PLAGL1: variants seen among roughly 807,000 people sequenced by gnomAD.
PLAGL1 encodes zinc finger protein PLAGL1.
Under a neutral mutation model 4.6 loss-of-function variants are expected in PLAGL1, and 1 was observed. The observed-to-expected ratio is 0.22, with a 90% CI of 0.08 to 1.03. The LOEUF is 1.03. PLAGL1 is among the 50% of genes least tolerant of loss of function. PLAGL1 has a pLI of 0.58. For synonymous variants in PLAGL1, 240 were observed against 237.8 expected, an observed-to-expected ratio of 1.01 and a Z score of -0.08; for missense variants, 464 against 570.4, an observed-to-expected ratio of 0.81 and a Z score of 1.90.
chr6:144,028,183 A>G (rs1796515361), intron 1 of PLAGL1, among the ~76,000 whole-genome samples: 1 of 152,228 alleles, frequency 6.6e-6, no homozygotes, highest in African/African-American at 2.4e-5. Flanking sequence ...TTATTCCTTT[A>G]GAATACTCTG....
intron 7 of PLAGL1, among the ~76,000 whole-genome samples, chr6:143,944,644 C>T (rs1233848318): frequency 2.0e-5 from 3 of 151,990 alleles, no homozygotes; most frequent in Admixed American, 2.0e-4. Context: ...AATAAATGCA[C>T]AGGTTGGAGA....
rs551573313 is a variant in PLAGL1, at chr6:144,022,804, C to T, written c.-151+41664G>A. Reference sequence around the variant, plus strand: ...AAACCTCTTTCCTTTATAAATTATGCAGTCTCAGGTATGTCTTTATTGCAG... The same window carrying T: ...AAACCTCTTTCCTTTATAAATTATGTAGTCTCAGGTATGTCTTTATTGCAG... On this transcript the variant is annotated intron_variant, in intron 1 of 3. Coordinates refer to the PLAGL1 transcript ENST00000437412. This position sits in a 1 kb window ranked among gnomAD's most constrained non-coding sequence, Gnocchi z 4.2. Among the ~76,000 whole-genome samples the T allele has an allele frequency of 6.6e-6, 1 of 152,318 alleles. No individual in the cohort carries two copies. Among genetic ancestry groups the T allele is most frequent in the South Asian group, 2.1e-4 (1 of 4,834 alleles).
intron 1 of PLAGL1, among the ~76,000 whole-genome samples, chr6:144,042,332 T>A (rs1468805022): frequency 1.3e-5 from 2 of 152,174 alleles, no homozygotes; most frequent in South Asian, 4.1e-4. Context: ...CTTTAATCCA[T>A]CTTGAATTAA....
chr6:144,051,392 T>C (rs1179183184), intron 1 of PLAGL1, among the ~76,000 whole-genome samples: 2 of 152,218 alleles, frequency 1.3e-5, no homozygotes, highest in African/African-American at 4.8e-5. Flanking sequence ...TGAATCCTTT[T>C]GGTAAACAAC....
At chr6:144,052,584 T>C (rs959440054) in intron 1 of PLAGL1, among the ~76,000 whole-genome samples, 2 of 152,222 alleles carry the variant, frequency 1.3e-5, no homozygotes, top group Non-Finnish European at 2.9e-5. Context: ...GATGAATATA[T>C]ATCTTGTTCA....
intron 1 of PLAGL1, among the ~76,000 whole-genome samples, chr6:144,018,464 C>T (rs1795723347): frequency 6.6e-6 from 1 of 152,124 alleles, no homozygotes; most frequent in Admixed American, 6.5e-5. Context: ...CCAGTGTACA[C>T]TATGGTGACT....
Position 143,954,365 on chromosome 6 carries a change from T to A in PLAGL1, c.-324-5905A>T, listed in dbSNP as rs1243922068. On this transcript the variant is annotated intron_variant, in intron 6 of 7. Transcript: ENST00000674357. This position sits in a 1 kb window ranked among gnomAD's most constrained non-coding sequence, Gnocchi z 5.1. ...AATATCCTAGAGAGAACAGAGGTCC[T>A]TAAAAGAAGAGCAGGATATTATTTT... Among the ~76,000 whole-genome samples, 2 of 152,146 alleles carry A rather than the reference T, an allele frequency of 1.3e-5. No homozygotes were observed. The highest frequency in any genetic ancestry group is 2.9e-5 in the Non-Finnish European group (2 of 68,038).
chr6:144,012,237 C>T (rs776789512), upstream of PLAGL1, among the ~76,000 whole-genome samples: 4 of 152,008 alleles, frequency 2.6e-5, no homozygotes, highest in Non-Finnish European at 4.4e-5. The surrounding 1 kb of genome is among the most constrained non-coding windows in gnomAD (Gnocchi z 4.8). Flanking sequence ...GTTTTTGAGA[C>T]AGAGTCTCGC....
intron 1 of PLAGL1, among the ~76,000 whole-genome samples, chr6:144,028,909 T>C (rs1583780853): frequency 6.6e-6 from 1 of 152,172 alleles, no homozygotes; most frequent in African/African-American, 2.4e-5. Context: ...ACTTCCAAAT[T>C]ACAGTAATTA....
rs1798707049 is a variant in PLAGL1 at position 144,053,209 on chromosome 6, A to C, written c.-151+11259T>G. On this transcript the variant is annotated intron_variant, in intron 1 of 3. Coordinates refer to the PLAGL1 transcript ENST00000437412. This position sits in a 1 kb window ranked among gnomAD's most constrained non-coding sequence, Gnocchi z 4.0. ...GAGTGCAGTGGCGCAATTTTGGCTT[A>C]CTGCAACCTCTGCCTCCCGGGTTCA... is the stretch of plus-strand genomic sequence containing the variant. Among the ~76,000 whole-genome samples the C allele has an allele frequency of 6.6e-6, 1 of 152,152 alleles. No homozygotes were observed. The highest frequency in any genetic ancestry group is 1.5e-5 in the Non-Finnish European group (1 of 68,042).
In PLAGL1 at chr6:143,980,090, T is replaced by C. The variant is rs1583389929; in HGVS notation, c.-544+5045A>G. Among the ~76,000 whole-genome samples, 3 of 152,116 alleles carry C rather than the reference T, an allele frequency of 2.0e-5. No homozygotes were observed. In the South Asian group the frequency reaches 6.2e-4, roughly 31 times the overall value. On this transcript the variant is annotated intron_variant, in intron 2 of 7. Coordinates refer to ENST00000674357, the MANE Select transcript of PLAGL1 (RefSeq NM_001317162.2). ...CCTTCTGACAGGAAGCCTTCTGTCA[T>C]GTTTGTTCCTCTGAATGTATAGTTT...
rs1783814656 is a variant in PLAGL1 at position 143,963,504 on chromosome 6, C to G, written c.-399+1283G>C. Among the ~76,000 whole-genome samples, 1 of 152,190 alleles carries G rather than the reference C, an allele frequency of 6.6e-6. No individual in the cohort carries two copies. The highest frequency in any genetic ancestry group is 2.4e-5 in the African/African-American group (1 of 41,432). ...ACTGTTTTAAGAACTTTACCTAATA[C>G]CTTCAACAACCGCATGAGTAGGTAG... On this transcript the variant is annotated intron_variant, in intron 5 of 7. Coordinates refer to ENST00000674357, the MANE Select transcript of PLAGL1 (RefSeq NM_001317162.2). The surrounding 1 kb of genome is among the most constrained non-coding windows in gnomAD (Gnocchi z 6.1).
rs1171048333 is a variant in PLAGL1, at chr6:143,959,860, T to C, written c.-325+609A>G. Among the ~76,000 whole-genome samples the C allele has an allele frequency of 1.3e-5, 2 of 152,158 alleles. No homozygotes were observed. Among genetic ancestry groups the C allele is most frequent in the African/African-American group, 2.4e-5 (1 of 41,424 alleles). On this transcript the variant is annotated intron_variant, in intron 6 of 7. Transcript: ENST00000674357. The surrounding 1 kb of genome is among the most constrained non-coding windows in gnomAD (Gnocchi z 5.3). Reference sequence around the variant, plus strand: ...TGATGATAATGATGATGAACAGAGGTTGCTCCCAGGTGTTCTGAACTAAGC... The same window carrying C: ...TGATGATAATGATGATGAACAGAGGCTGCTCCCAGGTGTTCTGAACTAAGC...
intron 1 of PLAGL1, among the ~76,000 whole-genome samples, chr6:144,001,233 C>G (rs1179653039): frequency 2.0e-5 from 3 of 150,920 alleles, no homozygotes; most frequent in Non-Finnish European, 4.4e-5. Flanking sequence ...AAGTACCAAC[C>G]TGAAAAAATC....
chr6:143,945,309 T>G lies in PLAGL1; in HGVS notation c.153-2646A>C, dbSNP rs1275258537. ...GTATCATCTGGATCATGTCAGTGAT[T>G]TTAGAATTATTTAGAGGTTGATTGC... On this transcript the variant is annotated intron_variant, in intron 7 of 7. Transcript: ENST00000674357. This position sits in a 1 kb window ranked among gnomAD's most constrained non-coding sequence, Gnocchi z 4.2. 6.6e-6 allele frequency among the ~76,000 whole-genome samples: 1 copy of G among 152,160 alleles called. No individual in the cohort carries two copies. The highest frequency in any genetic ancestry group is 1.9e-4 in the East Asian group (1 of 5,198).
In PLAGL1 at chr6:144,036,776, GA is replaced by G; in HGVS notation, c.-151+27691del. 1 of 333,434 alleles carries G rather than the reference GA, an allele frequency of 3.0e-6. No individual in the cohort carries two copies. The highest frequency in any genetic ancestry group is 5.7e-6 in the Non-Finnish European group (1 of 174,360). 20.7% of individuals were successfully genotyped at this position (333,434 alleles called of 1,614,324 possible). ...CAGAAAACTGCTCTAAGACAAGCAA[GA>G]AGGCAGACCTGCTAAATGCCCATTA... On this transcript the variant is annotated intron_variant, in intron 1 of 3. Transcript: ENST00000437412. The surrounding 1 kb of genome is among the most constrained non-coding windows in gnomAD (Gnocchi z 5.1).
At position 143,997,680 on chromosome 6, in the gene PLAGL1, C is replaced by G. The variant is rs1791957443; in HGVS notation, c.-584+10410G>C. ...CAGCCTGGGTGGCAGAGTGAGATACCATCTTGGGGCGGAGGGGGCTGGCGG... is the reference window on the plus strand; with the variant it reads ...CAGCCTGGGTGGCAGAGTGAGATACGATCTTGGGGCGGAGGGGGCTGGCGG... On this transcript the variant is annotated intron_variant, in intron 1 of 7. Coordinates refer to ENST00000674357, the MANE Select transcript of PLAGL1 (RefSeq NM_001317162.2). This position sits in a 1 kb window ranked among gnomAD's most constrained non-coding sequence, Gnocchi z 4.6. Among the ~76,000 whole-genome samples the G allele has an allele frequency of 2.0e-5, 3 of 152,116 alleles. No homozygotes were observed. The highest frequency in any genetic ancestry group is 7.2e-5 in the African/African-American group (3 of 41,502).
At chr6:143,969,003 T>A (rs1408269311) in intron 2 of PLAGL1, 25 bp from the exon 3 acceptor site, 1 of 147,930 alleles carries the variant, frequency 6.8e-6, no homozygotes, top group East Asian at 1.9e-4. Context: ...ATATCAAAAG[T>A]TTAAAAAAAA....
intron 1 of PLAGL1, among the ~76,000 whole-genome samples, chr6:144,033,882 G>C (rs189882758): frequency 3.0e-4 from 45 of 152,230 alleles, no homozygotes; most frequent in Admixed American, 1.8e-3. Flanking sequence ...CAAAAGAAAT[G>C]GTCTTTTCTA....
Sources: gnomAD v4.1 joint callset for allele counts (sites outside exome capture counted in the v4.1 genomes callset) on GRCh38, gnomAD v4.1.1 for gene constraint, Gnocchi (gnomAD v3.1) non-coding constraint, MANE v1.5 for transcripts, NCBI Gene and HGNC (gene_info 2026-07-23, HGNC 2026-07-21) for gene names.